Variants in PREX2 observed in about 807,000 individuals in gnomAD.
PREX2 encodes the protein phosphatidylinositol 3,4,5-trisphosphate-dependent Rac exchanger 2 protein.
PREX2 carries 107 observed loss-of-function variants against 203.2 expected under a neutral mutation model. That is an observed-to-expected ratio of 0.53 (90% CI 0.45 to 0.62). The LOEUF (loss-of-function observed/expected upper bound fraction) is 0.62. Ranked by LOEUF, PREX2 falls within the 20% of genes least tolerant of loss-of-function variation. The probability of loss-of-function intolerance (pLI) is 0.00; values close to 1 mark genes in which losing one functional copy is unlikely to be tolerated. For synonymous variants in PREX2, 672 were observed against 663.6 expected (o/e 1.01, Z -0.19); for missense variants, 1,777 against 1,955.9 (o/e 0.91, Z 1.72).
chr8:68,027,707 A>G (rs1807768720), intron 5 of PREX2, among the ~76,000 whole-genome samples: 1 of 152,086 alleles, frequency 6.6e-6, no homozygotes, highest in African/African-American at 2.4e-5. Flanking sequence ...TGACTTTGTG[A>G]TGCTAATGAA....
Position 67,961,158 on chromosome 8 carries a change from A to G in PREX2, c.141+8623A>G, listed in dbSNP as rs181407344. On this transcript the variant is annotated intron_variant, in intron 1 of 39. Transcript: ENST00000288368. Reference sequence around the variant, plus strand: ...TGTTTTAAACAGCATTTTCTTAACAATTCTTTTAGTATATACCTGGTATTA... The same window carrying G: ...TGTTTTAAACAGCATTTTCTTAACAGTTCTTTTAGTATATACCTGGTATTA... Among the ~76,000 whole-genome samples, 34 of 152,098 alleles carry G rather than the reference A, an allele frequency of 2.2e-4. No homozygotes were observed. The East Asian group carries it at 6.2e-3, about 28-fold the overall frequency.
chr8:68,040,999 T>C (rs1808179707), intron 7 of PREX2, among the ~76,000 whole-genome samples: 1 of 152,210 alleles, frequency 6.6e-6, no homozygotes, highest in South Asian at 2.1e-4. Flanking sequence ...CCTTAAACTC[T>C]TGGGAAAATT....
At chr8:68,065,841 A>C (rs1275546288) in intron 11 of PREX2, among the ~76,000 whole-genome samples, 1 of 152,202 alleles carries the variant, frequency 6.6e-6, no homozygotes, top group African/African-American at 2.4e-5. Flanking sequence ...TGTGTATAAA[A>C]CAACTTAGCC....
chr8:68,047,199 T>G (rs1000908614), intron 8 of PREX2, among the ~76,000 whole-genome samples: 1 of 151,954 alleles, frequency 6.6e-6, no homozygotes, highest in Non-Finnish European at 1.5e-5. Context: ...TCCTTTGTTG[T>G]TTCCTTGGTC....
At chr8:68,119,399 G>A in intron 27 of PREX2, 33 bp from the exon 28 acceptor site, 1 of 1,421,752 alleles carries the variant, frequency 7.0e-7, no homozygotes, top group Non-Finnish European at 9.9e-7. Context: ...GAGTGATTTT[G>A]GTTTTTGGTT....
At chr8:68,102,909 G>A (rs1415150599) in intron 23 of PREX2, 1 of 517,962 alleles carries the variant, frequency 1.9e-6, no homozygotes, top group Non-Finnish European at 3.9e-6. Flanking sequence ...TTTCTCTGTG[G>A]AGCAGGATTT....
intron 6 of PREX2, 113 bp from the exon 7 acceptor site, chr8:68,038,046 G>C: frequency 8.7e-7 from 1 of 1,144,296 alleles, no homozygotes; most frequent in Non-Finnish European, 1.3e-6. Context: ...ACTTTAGCCT[G>C]TGCATAGCTT....
chr8:68,102,177 G>A (rs1477459455), intron 23 of PREX2, among the ~76,000 whole-genome samples: 3 of 152,152 alleles, frequency 2.0e-5, no homozygotes, highest in Non-Finnish European at 2.9e-5. Context: ...ACAGCCATGT[G>A]TATGGACTCT....
chr8:68,097,269 TCA>T, intron 22 of PREX2, 68 bp downstream of exon 22: 1 of 1,318,430 alleles, frequency 7.6e-7, no homozygotes, highest in South Asian at 1.5e-5. Context: ...TCCCTCTCCT[TCA>T]CTTAAAAAAA....
intron 35 of PREX2, among the ~76,000 whole-genome samples, chr8:68,178,910 C>A (rs1384177713): frequency 6.6e-6 from 1 of 152,060 alleles, no homozygotes; most frequent in East Asian, 1.9e-4. Flanking sequence ...AATTTTATTT[C>A]TCTAATTTAG....
chr8:68,016,894 A>G (rs1807423187), intron 1 of PREX2, among the ~76,000 whole-genome samples: 1 of 152,226 alleles, frequency 6.6e-6, no homozygotes, highest in Non-Finnish European at 1.5e-5. Flanking sequence ...GAGTATAGAC[A>G]TGAGCCACCA....
chr8:68,030,495 A>G lies in PREX2; in HGVS notation c.544-2A>G. ...GCGATTTGTTTTTTTGTGTATAAACAGGAGTTGCTGAAGCGGACTCCACGG... is the reference window on the plus strand; with the variant it reads ...GCGATTTGTTTTTTTGTGTATAAACGGGAGTTGCTGAAGCGGACTCCACGG... On this transcript the variant is annotated splice_acceptor_variant, in intron 5 of 39. Transcript: ENST00000288368. LOFTEE classifies it high-confidence loss of function. 1.2e-6 allele frequency: 2 copies of G among 1,612,746 alleles called. No individual in the cohort carries two copies. The highest frequency in any genetic ancestry group is 1.7e-6 in the Non-Finnish European group (2 of 1,179,142).
chr8:68,191,169 TAG>T (rs1309459232), intron 35 of PREX2, among the ~76,000 whole-genome samples: 1 of 152,166 alleles, frequency 6.6e-6, no homozygotes, highest in Non-Finnish European at 1.5e-5. Context: ...ATTGAACCCT[TAG>T]AGAGAGTTTC....
At chr8:67,997,025 A>T (rs182143284) in intron 1 of PREX2, among the ~76,000 whole-genome samples, 3 of 152,194 alleles carry the variant, frequency 2.0e-5, no homozygotes, top group African/African-American at 7.2e-5. Context: ...GTTTCATCAG[A>T]TATGTAAATA....
At chr8:68,036,894 C>T (rs558259299) in intron 6 of PREX2, among the ~76,000 whole-genome samples, 3 of 151,966 alleles carry the variant, frequency 2.0e-5, no homozygotes, top group African/African-American at 7.3e-5. Flanking sequence ...GAGCCAATAT[C>T]GTGCCATTGC....
chr8:68,098,932 ATATGTG>A lies in PREX2; in HGVS notation c.2554-746_2554-741del, dbSNP rs1262807503. On this transcript the variant is annotated intron_variant, in intron 22 of 39. Transcript: ENST00000288368. ...CTGATTAATCAGAAATGCTACATAT[ATATGTG>A]TATATATATATATATATATATATAT... Among the ~76,000 whole-genome samples, 61 of 114,222 alleles carry A rather than the reference ATATGTG, an allele frequency of 5.3e-4. 1 individual carries two copies. The highest frequency in any genetic ancestry group is 2.4e-3 in the African/African-American group (61 of 25,778). The allele number at this position is 114,222 out of a possible 152,430, so 74.9% of individuals were successfully genotyped here.
chr8:68,043,742 T>A (rs1232888387), intron 7 of PREX2, among the ~76,000 whole-genome samples: 2 of 152,126 alleles, frequency 1.3e-5, no homozygotes, highest in African/African-American at 4.8e-5. Flanking sequence ...AAAAATATTT[T>A]TCCTGTGTGC....
rs553273349 is a variant in PREX2 at position 68,144,359 on chromosome 8, T to A, written c.4088-1850T>A. ...TTTCCATTTACTGAGTTCTTAAAAA[T>A]TTTTTTCATCAGTTTTTCAGTTTTC... On this transcript the variant is annotated intron_variant, in intron 33 of 39. Transcript: ENST00000288368. Among the ~76,000 whole-genome samples, 28 of 152,238 alleles carry A rather than the reference T, an allele frequency of 1.8e-4. No individual in the cohort carries two copies. In the South Asian group the frequency reaches 2.3e-3, roughly 12 times the overall value.
chr8:68,005,108 T>C, intron 1 of PREX2, among the ~76,000 whole-genome samples: 1 of 152,168 alleles, frequency 6.6e-6, no homozygotes, highest in East Asian at 1.9e-4. Flanking sequence ...CTTTGCTGTG[T>C]TTCCTTCAAC....
Sources: gnomAD v4.1 joint callset for allele counts (sites outside exome capture counted in the v4.1 genomes callset) on GRCh38, gnomAD v4.1.1 for gene constraint, MANE v1.5 for transcripts, NCBI Gene and HGNC (gene_info 2026-07-23, HGNC 2026-07-21) for gene names.